The following ADGRB3 variants were observed in gnomAD, a reference collection of about 807,000 sequenced individuals.
ADGRB3 encodes adhesion G protein-coupled receptor B3, also known as brain-specific angiogenesis inhibitor 3.
ADGRB3 carries 37 observed loss-of-function variants against 193.4 expected under a neutral mutation model. The observed-to-expected ratio is 0.19, with a 90% CI of 0.15 to 0.25. ADGRB3 has a LOEUF of 0.25. Ranked by LOEUF, ADGRB3 falls within the 10% of genes least tolerant of loss-of-function variation. The pLI is 1.00. For missense variants in ADGRB3, 1,637 were observed against 1,852.9 expected, an observed-to-expected ratio of 0.88 and a Z score of 2.14; for synonymous variants, 690 against 644.2, an observed-to-expected ratio of 1.07 and a Z score of -1.08.
intron 3 of ADGRB3, among the ~76,000 whole-genome samples, chr6:68,734,157 A>G (rs1457487310): frequency 6.6e-6 from 1 of 151,978 alleles, no homozygotes; most frequent in African/African-American, 2.4e-5. Flanking sequence ...TGAAGACAAA[A>G]CAAAACTTAT....
chr6:69,249,789 C>A (rs1428128122), intron 20 of ADGRB3, among the ~76,000 whole-genome samples: 1 of 152,104 alleles, frequency 6.6e-6, no homozygotes, highest in Non-Finnish European at 1.5e-5. Flanking sequence ...GATTAAAGTT[C>A]ATTTTTTACT....
chr6:69,127,900 T>G (rs532073156), intron 17 of ADGRB3, among the ~76,000 whole-genome samples: 3 of 85,170 alleles, frequency 3.5e-5, no homozygotes, highest in African/African-American at 9.6e-5. Context: ...TAATAGTTTT[T>G]TTTTTGTTTT....
At chr6:69,250,161 C>T (rs1392270947) in intron 20 of ADGRB3, among the ~76,000 whole-genome samples, 1 of 152,140 alleles carries the variant, frequency 6.6e-6, no homozygotes, top group African/African-American at 2.4e-5. Context: ...TCAGTATATA[C>T]ATGCAATTAG....
At chr6:69,209,293 G>A (rs552116928) in intron 17 of ADGRB3, among the ~76,000 whole-genome samples, 64 of 152,272 alleles carry the variant, frequency 4.2e-4, no homozygotes, top group African/African-American at 1.5e-3. Context: ...ATCCAAATAG[G>A]CCCACTAGGC....
At chr6:69,003,184 A>G (rs1682335518) in intron 11 of ADGRB3, among the ~76,000 whole-genome samples, 1 of 152,220 alleles carries the variant, frequency 6.6e-6, no homozygotes, top group African/African-American at 2.4e-5. Context: ...ATTATCATCC[A>G]ACAAGACAAA....
chr6:69,302,679 G>A (rs775205976), intron 20 of ADGRB3, among the ~76,000 whole-genome samples: 2 of 151,908 alleles, frequency 1.3e-5, no homozygotes, highest in African/African-American at 2.4e-5. Context: ...AAGGATTGTC[G>A]ACTTTATGAA....
chr6:69,123,011 T>TAC (rs1342805635), intron 17 of ADGRB3, among the ~76,000 whole-genome samples: 1 of 151,386 alleles, frequency 6.6e-6, no homozygotes, highest in East Asian at 2.0e-4. Flanking sequence ...TGTGTGTGTG[T>TAC]GTGTGTGTGT....
intron 3 of ADGRB3, among the ~76,000 whole-genome samples, chr6:68,895,780 G>GAA (rs1766202360): frequency 6.6e-6 from 1 of 150,598 alleles, no homozygotes; most frequent in Non-Finnish European, 1.5e-5. Context: ...TTCACATAGT[G>GAA]TTTTTTTTTC....
chr6:69,179,149 T>G (rs936206227), intron 17 of ADGRB3, among the ~76,000 whole-genome samples: 2 of 152,206 alleles, frequency 1.3e-5, no homozygotes, highest in Admixed American at 6.5e-5. Flanking sequence ...TTTTAAATGT[T>G]TTTTTAAATG....
intron 13 of ADGRB3, among the ~76,000 whole-genome samples, chr6:69,046,551 T>C (rs1771243700): frequency 1.3e-5 from 2 of 152,218 alleles, no homozygotes; most frequent in African/African-American, 4.8e-5. Flanking sequence ...CTATAATTTA[T>C]TTATGTGTTA....
intron 17 of ADGRB3, among the ~76,000 whole-genome samples, chr6:69,171,449 C>T (rs1353523014): frequency 6.6e-6 from 1 of 152,210 alleles, no homozygotes; most frequent in African/African-American, 2.4e-5. Flanking sequence ...TTCTGATTGC[C>T]AATCAGGTAT....
At position 68,762,536 on chromosome 6, in the gene ADGRB3, G is replaced by A. The variant is rs151310406; in HGVS notation, c.757+123104G>A. Among the ~76,000 whole-genome samples the A allele has an allele frequency of 5.9e-5, 9 of 151,930 alleles. No individual in the cohort carries two copies. The East Asian group carries it at 1.7e-3, about 29-fold the overall frequency. ...GTGATAGAGGTGACCAAATAAATTA[G>A]TGAAACAAAGAATTGTTGAATAAAT... On this transcript the variant is annotated intron_variant, in intron 3 of 31. Coordinates refer to ENST00000370598, the MANE Select transcript of ADGRB3 (RefSeq NM_001704.3).
intron 17 of ADGRB3, chr6:69,232,269 A>ATTTTTTTTTTTTTTTTTTTTTTTTT: frequency 2.4e-6 from 1 of 415,352 alleles, no homozygotes; most frequent in Non-Finnish European, 3.9e-6. Flanking sequence ...GCTCTATAGC[A>ATTTTTTTTTTTTTTTTTTTTTTTTT]TTTTTTTTTT....
intron 3 of ADGRB3, among the ~76,000 whole-genome samples, chr6:68,923,690 TA>T (rs1054277325): frequency 4.6e-5 from 7 of 152,062 alleles, no homozygotes; most frequent in Admixed American, 4.6e-4. Context: ...TTGGTGAATT[TA>T]AAAGTACAAT....
At chr6:69,027,178 T>G (rs1770458873) in intron 13 of ADGRB3, among the ~76,000 whole-genome samples, 1 of 152,036 alleles carries the variant, frequency 6.6e-6, no homozygotes, top group Admixed American at 6.5e-5. Flanking sequence ...ATTTATTCTA[T>G]AAAACTTTTT....
chr6:69,327,455 G>C (rs1424907691), intron 21 of ADGRB3, among the ~76,000 whole-genome samples: 1 of 152,048 alleles, frequency 6.6e-6, no homozygotes, highest in Non-Finnish European at 1.5e-5. Flanking sequence ...CATCATACCA[G>C]AACATCCAGT....
At chr6:68,971,606 A>C (rs917688905) in intron 8 of ADGRB3, among the ~76,000 whole-genome samples, 1 of 152,012 alleles carries the variant, frequency 6.6e-6, no homozygotes, top group Non-Finnish European at 1.5e-5. Flanking sequence ...AGCATCAGTG[A>C]ATTTTGGTAT....
At position 68,944,008 on chromosome 6, in the gene ADGRB3, G is replaced by T; in HGVS notation, c.1195+14G>T. ...CTCTTTGCCCAGGTGAGCCTATTCTGCATTTGGTTATGTTTGCATTATGTG... is the reference window on the plus strand; with the variant it reads ...CTCTTTGCCCAGGTGAGCCTATTCTTCATTTGGTTATGTTTGCATTATGTG... On this transcript the variant is annotated intron_variant, in intron 6 of 31. Coordinates refer to ENST00000370598, the MANE Select transcript of ADGRB3 (RefSeq NM_001704.3). The T allele has an allele frequency of 1.3e-6, 2 of 1,582,690 alleles. No individual in the cohort carries two copies. The highest frequency in any genetic ancestry group is 8.6e-7 in the Non-Finnish European group (1 of 1,158,568).
chr6:68,942,489 CA>C (rs1407994887), intron 5 of ADGRB3, among the ~76,000 whole-genome samples: 1 of 152,062 alleles, frequency 6.6e-6, no homozygotes, highest in East Asian at 1.9e-4. Flanking sequence ...AACAAAAAAG[CA>C]CATTTTTTCT....
Sources: gnomAD v4.1 joint callset for allele counts (sites outside exome capture counted in the v4.1 genomes callset) on GRCh38, gnomAD v4.1.1 for gene constraint, MANE v1.5 for transcripts, NCBI Gene and HGNC (gene_info 2026-07-23, HGNC 2026-07-21) for gene names.